Variants in ZC3H12B observed in about 807,000 individuals in gnomAD.
ZC3H12B encodes zinc finger CCCH-type containing 12B, also known as probable ribonuclease ZC3H12B.
In ZC3H12B, 7 loss-of-function variants were observed where a neutral mutation model predicts 43.9. The observed-to-expected ratio is 0.16, with a 90% CI of 0.09 to 0.30. ZC3H12B has a LOEUF of 0.30. Among genes scored for constraint, ZC3H12B ranks in the 10% least tolerant of loss-of-function variants. ZC3H12B has a pLI of 1.00. For missense variants in ZC3H12B, 475 were observed against 670.2 expected, an observed-to-expected ratio of 0.71 and a Z score of 3.22; for synonymous variants, 222 against 241.7, an observed-to-expected ratio of 0.92 and a Z score of 0.76.
chrX:65,389,936 T>C (rs1465726358), intron 2 of ZC3H12B, among the ~76,000 whole-genome samples: 1 of 112,220 alleles, frequency 8.9e-6, no homozygotes, highest in Admixed American at 9.4e-5. Flanking sequence ...TAAATCATGC[T>C]GCTATAAAGA....
At chrX:65,127,383 G>A in the ZC3H12B span, among the ~76,000 whole-genome samples, 7 of 112,278 alleles carry the variant, frequency 6.2e-5, no homozygotes, top group Non-Finnish European at 1.1e-4. Context: ...GTGGATACCA[G>A]CACCTGCTCT....
At chrX:65,413,041 C>T (rs1399326656) in intron 3 of ZC3H12B, among the ~76,000 whole-genome samples, 1 of 111,252 alleles carries the variant, frequency 9.0e-6, no homozygotes, top group African/African-American at 3.3e-5. Context: ...TCCCTAATGA[C>T]TAATGATGTT....
chrX:65,139,903 A>G, the ZC3H12B span, among the ~76,000 whole-genome samples: 3 of 111,249 alleles, frequency 2.7e-5, no homozygotes, highest in African/African-American at 9.8e-5. Flanking sequence ...TTGTTAGTAT[A>G]TAGGAATGCA....
chrX:65,113,937 C>A, the ZC3H12B span, among the ~76,000 whole-genome samples: 4 of 91,836 alleles, frequency 4.4e-5, no homozygotes, highest in South Asian at 1.9e-3. Context: ...GCGATACTTG[C>A]TTTAGGCAGT....
intron 3 of ZC3H12B, among the ~76,000 whole-genome samples, chrX:65,452,441 A>C (rs1298462517): frequency 9.0e-6 from 1 of 111,515 alleles, no homozygotes; most frequent in Non-Finnish European, 1.9e-5. Flanking sequence ...AATAGCTGAA[A>C]AAAAAAAAAA....
chrX:65,199,251 G>A, the ZC3H12B span, among the ~76,000 whole-genome samples: 2 of 106,686 alleles, frequency 1.9e-5, no homozygotes, highest in Non-Finnish European at 3.8e-5. Context: ...TCTTCTGCTT[G>A]ATCAGTTCTG....
At chrX:65,338,856 A>G in the ZC3H12B span, among the ~76,000 whole-genome samples, 1 of 112,125 alleles carries the variant, frequency 8.9e-6, no homozygotes, top group Non-Finnish European at 1.9e-5. Context: ...GCGTTGAAGG[A>G]AAATATCTCA....
At chrX:65,160,681 A>G in the ZC3H12B span, among the ~76,000 whole-genome samples, 4 of 111,394 alleles carry the variant, frequency 3.6e-5, no homozygotes, top group South Asian at 1.5e-3. Context: ...CTAATGGTGT[A>G]TCAATTTTGT....
the ZC3H12B span, among the ~76,000 whole-genome samples, chrX:65,201,284 G>A: frequency 9.0e-6 from 1 of 110,746 alleles, no homozygotes; most frequent in African/African-American, 3.3e-5. Flanking sequence ...TGAGAAGGTG[G>A]GTGTGTCTAG....
chrX:65,207,025 G>C, the ZC3H12B span, among the ~76,000 whole-genome samples: 1 of 109,326 alleles, frequency 9.1e-6, no homozygotes, highest in Admixed American at 9.9e-5. Flanking sequence ...TGGTGTGGAT[G>C]TGGTGAAAAG....
At chrX:65,411,991 G>A (rs2066909247) in intron 3 of ZC3H12B, among the ~76,000 whole-genome samples, 1 of 110,254 alleles carries the variant, frequency 9.1e-6, no homozygotes, top group Non-Finnish European at 1.9e-5. Flanking sequence ...ACTTATTGAG[G>A]TGAAATCTAG....
chrX:65,164,700 C>A, the ZC3H12B span, among the ~76,000 whole-genome samples: 1 of 111,720 alleles, frequency 9.0e-6, no homozygotes, highest in African/African-American at 3.2e-5. Context: ...CTTTTACTGT[C>A]ATAATTTTTG....
At chrX:65,248,390 T>A in the ZC3H12B span, among the ~76,000 whole-genome samples, 1 of 111,501 alleles carries the variant, frequency 9.0e-6, no homozygotes, top group African/African-American at 3.3e-5. Flanking sequence ...TAAAGTGACG[T>A]TTCAGGCTAA....
the ZC3H12B span, among the ~76,000 whole-genome samples, chrX:65,281,418 G>A: frequency 1.8e-5 from 2 of 110,360 alleles, no homozygotes; most frequent in South Asian, 3.9e-4. Context: ...ACAGGGTTAC[G>A]TCATGTAAGC....
the ZC3H12B span, among the ~76,000 whole-genome samples, chrX:65,286,843 A>T: frequency 5.3e-4 from 59 of 111,212 alleles, 1 homozygote; most frequent in Non-Finnish European, 8.5e-4. Flanking sequence ...AGGGATGGAA[A>T]AAGTTATCCC....
the ZC3H12B span, among the ~76,000 whole-genome samples, chrX:65,122,672 A>G: frequency 9.0e-6 from 1 of 111,329 alleles, no homozygotes. Flanking sequence ...TAGGCTCAAA[A>G]TAAAGGGATG....
At chrX:65,288,002 A>G in the ZC3H12B span, among the ~76,000 whole-genome samples, 1 of 108,374 alleles carries the variant, frequency 9.2e-6, no homozygotes, top group Non-Finnish European at 1.9e-5. Flanking sequence ...ATATATATAT[A>G]TATATATCAC....
the ZC3H12B span, among the ~76,000 whole-genome samples, chrX:65,150,396 G>C: frequency 1.8e-5 from 2 of 110,134 alleles, no homozygotes; most frequent in Non-Finnish European, 3.8e-5. Context: ...TTTAAGTTCT[G>C]GGATACATAT....
chrX:65,310,899 G>T, the ZC3H12B span, among the ~76,000 whole-genome samples: 1 of 111,995 alleles, frequency 8.9e-6, no homozygotes. Context: ...AATGGGGAAA[G>T]ATTCCCTATT....
Sources: gnomAD v4.1 joint callset for allele counts (sites outside exome capture counted in the v4.1 genomes callset) on GRCh38, gnomAD v4.1.1 for gene constraint, MANE v1.5 for transcripts, NCBI Gene and HGNC (gene_info 2026-07-23, HGNC 2026-07-21) for gene names.